The following NRCAM variants were observed in gnomAD, a reference collection of about 807,000 sequenced individuals.
NRCAM encodes the protein NgCAM-related cell adhesion molecule.
In NRCAM, 83 loss-of-function variants were observed where a neutral mutation model predicts 156.5. The ratio of observed to expected loss-of-function variants is 0.53; its 90% CI spans 0.44 to 0.64. NRCAM has a LOEUF of 0.64. Ranked by LOEUF, NRCAM falls within the 30% of genes least tolerant of loss-of-function variation. NRCAM has a pLI of 0.00. For synonymous variants in NRCAM, 538 were observed against 563.9 expected (o/e 0.95, Z 0.65); for missense variants, 1,417 against 1,597.3 (o/e 0.89, Z 1.92).
At chr7:108,329,602 T>G (rs187923954) in intron 2 of NRCAM, among the ~76,000 whole-genome samples, 155 of 152,366 alleles carry the variant, frequency 1.0e-3, no homozygotes, top group Non-Finnish European at 1.7e-3. Flanking sequence ...TTACAGTGAC[T>G]GTTACATGAA....
intron 1 of NRCAM, among the ~76,000 whole-genome samples, chr7:108,407,096 GTA>G (rs1006246943): frequency 2.0e-5 from 3 of 152,114 alleles, no homozygotes; most frequent in African/African-American, 7.2e-5. Flanking sequence ...ATGTTTTGGT[GTA>G]TGTTTTCCAA....
intron 19 of NRCAM, among the ~76,000 whole-genome samples, chr7:108,190,338 G>T (rs1338444089): frequency 6.6e-6 from 1 of 152,162 alleles, no homozygotes; most frequent in Admixed American, 6.5e-5. Flanking sequence ...CGAGATGAAG[G>T]TGTCCTAGAA....
intron 30 of NRCAM, among the ~76,000 whole-genome samples, chr7:108,161,883 G>A (rs1026890671): frequency 2.1e-5 from 3 of 146,316 alleles, no homozygotes; most frequent in Non-Finnish European, 3.0e-5. Flanking sequence ...ATAGGCCCTC[G>A]TGCCTTATTA....
At position 108,268,636 on chromosome 7, in the gene NRCAM, T is replaced by TGGGGGGGGGGGGGGGGGGGGGGGGGAG. The variant is rs1300340254; in HGVS notation, c.-106-28467_-106-28466insCTCCCCCCCCCCCCCCCCCCCCCCCCC. On this transcript the variant is annotated intron_variant, in intron 3 of 32. Transcript: ENST00000379028. ...GGCGGGGGTGGGGGTGGGGGGGGGT[T>TGGGGGGGGGGGGGGGGGGGGGGGGGAG]GGGGGGGGCGGCGGTGGCGGGAAGA... Among the ~76,000 whole-genome samples the TGGGGGGGGGGGGGGGGGGGGGGGGGAG allele has an allele frequency of 3.5e-4, 3 of 8,492 alleles. 1 individual carries two copies. Among genetic ancestry groups the TGGGGGGGGGGGGGGGGGGGGGGGGGAG allele is most frequent in the African/African-American group, 4.8e-4 (1 of 2,086 alleles). 5.6% of individuals were successfully genotyped at this position (8,492 alleles called of 152,430 possible).
At position 108,150,069 on chromosome 7, in the gene NRCAM, G is replaced by A. The variant is rs771749042; in HGVS notation, c.3756C>T (p.Asp1252=). Reference sequence around the variant, plus strand: ...CTTCTCCATAGTCAACTAGGCTGTCGTCACTATCTTCTTTTTTCACAGTCC... The same window carrying A: ...CTTCTCCATAGTCAACTAGGCTGTCATCACTATCTTCTTTTTTCACAGTCC... ...SDRTVKKEDS[D]DSLVDYGEGV... The change falls in exon 33 of 33, where the codon GAC becomes GAT. Residue 1252 remains aspartate, a synonymous_variant. Coordinates refer to ENST00000379028, the MANE Select transcript of NRCAM (RefSeq NM_001037132.4). 8 of 1,613,886 alleles carry A rather than the reference G, an allele frequency of 5.0e-6. No individual in the cohort carries two copies. Among genetic ancestry groups the A allele is most frequent in the South Asian group, 2.2e-5 (2 of 91,080 alleles).
intron 1 of NRCAM, among the ~76,000 whole-genome samples, chr7:108,455,510 C>T (rs1366207916): frequency 6.6e-6 from 1 of 152,200 alleles, no homozygotes; most frequent in East Asian, 1.9e-4. Flanking sequence ...GGAGGCAGGG[C>T]GGGGCGCAGG....
chr7:108,220,270 G>A (rs762080641), intron 11 of NRCAM, among the ~76,000 whole-genome samples: 1 of 152,054 alleles, frequency 6.6e-6, no homozygotes, highest in Non-Finnish European at 1.5e-5. Context: ...ATGACATACT[G>A]CCAAAAGCAA....
chr7:108,164,547 C>CCAGCGGGAGGGGAGGAGAGGAGAG (rs145160841), intron 30 of NRCAM, among the ~76,000 whole-genome samples: 1 of 145,736 alleles, frequency 6.9e-6, no homozygotes, highest in African/African-American at 2.7e-5. Flanking sequence ...ACCGCGGAAC[C>CCAGCGGGAGGGGAGGAGAGGAGAG]GAGAGGAGAG....
intron 2 of NRCAM, among the ~76,000 whole-genome samples, chr7:108,395,206 T>A (rs1412373007): frequency 6.6e-6 from 1 of 152,256 alleles, no homozygotes; most frequent in Non-Finnish European, 1.5e-5. Flanking sequence ...CTAGTCACCA[T>A]TCTCATTTTC....
intron 3 of NRCAM, among the ~76,000 whole-genome samples, chr7:108,283,113 G>A (rs1260945535): frequency 6.6e-6 from 1 of 152,196 alleles, no homozygotes; most frequent in East Asian, 1.9e-4. Context: ...AACAATGTAA[G>A]AATGTTGTGA....
intron 3 of NRCAM, among the ~76,000 whole-genome samples, chr7:108,310,537 A>G (rs1161057119): frequency 3.3e-5 from 5 of 152,208 alleles, no homozygotes; most frequent in Non-Finnish European, 7.4e-5. Context: ...TTCTGGCTGC[A>G]TGCATTTTTC....
intron 1 of NRCAM, among the ~76,000 whole-genome samples, chr7:108,429,596 A>G (rs910039856): frequency 6.6e-6 from 1 of 152,238 alleles, no homozygotes; most frequent in Non-Finnish European, 1.5e-5. Flanking sequence ...ATCCAAGATA[A>G]GTGTTTCAGG....
At chr7:108,204,003 C>T (rs966937702) in intron 13 of NRCAM, among the ~76,000 whole-genome samples, 1 of 152,194 alleles carries the variant, frequency 6.6e-6, no homozygotes, top group Non-Finnish European at 1.5e-5. Flanking sequence ...CTCTCTGCAT[C>T]TCCCTGTCAT....
rs1190328760 is a variant in NRCAM at position 108,148,286 on chromosome 7, C to T, written c.*1624G>A. On this transcript the variant is annotated 3_prime_UTR_variant, in exon 33 of 33. Coordinates refer to ENST00000379028, the MANE Select transcript of NRCAM (RefSeq NM_001037132.4). Reference sequence around the variant, plus strand: ...ATTCACTGCATTAATTAGCTTACCTCTTATACAGTACAACATAAACATTGC... The same window carrying T: ...ATTCACTGCATTAATTAGCTTACCTTTTATACAGTACAACATAAACATTGC... The T allele has an allele frequency of 1.3e-5, 2 of 152,620 alleles. No individual in the cohort carries two copies. The highest frequency in any genetic ancestry group is 2.9e-5 in the Non-Finnish European group (2 of 68,030). 9.5% of individuals were successfully genotyped at this position (152,620 alleles called of 1,614,324 possible).
chr7:108,232,349 T>A lies in NRCAM; in HGVS notation c.404A>T (p.Asn135Ile), dbSNP rs2094440513. 1 of 1,606,140 alleles carries A rather than the reference T, an allele frequency of 6.2e-7. No homozygotes were observed. Among genetic ancestry groups the A allele is most frequent in the East Asian group, 2.2e-5 (1 of 44,586 alleles). ...ARNERGAAVS[N>I]NIVVRPSRSP... ...ACTGGATGGGCGGACAACAATGTTA[T>A]TAGAAACTGCAGCTCCGCGTTCGTT... Residue 135 changes from asparagine to isoleucine, a missense_variant, in exon 7 of 33, where the codon AAT becomes ATT. Around this residue, in one of 2 missense-constraint regions of NRCAM, gnomAD observed 1,238 missense variants for 1,336.4 expected, o/e 0.93. Coordinates refer to ENST00000379028, the MANE Select transcript of NRCAM (RefSeq NM_001037132.4).
At chr7:108,188,104 G>C (rs540125944) in intron 20 of NRCAM, among the ~76,000 whole-genome samples, 77 of 152,188 alleles carry the variant, frequency 5.1e-4, no homozygotes, top group African/African-American at 1.7e-3. Flanking sequence ...GGAAGGAGGA[G>C]TGAGTAGAAG....
At chr7:108,341,350 T>C (rs1201362283) in intron 2 of NRCAM, among the ~76,000 whole-genome samples, 1 of 152,194 alleles carries the variant, frequency 6.6e-6, no homozygotes, top group African/African-American at 2.4e-5. Context: ...GCCTTCTCAG[T>C]CTTACTCTCC....
chr7:108,410,046 G>A (rs1793430389), intron 1 of NRCAM, among the ~76,000 whole-genome samples: 2 of 152,098 alleles, frequency 1.3e-5, no homozygotes, highest in South Asian at 4.1e-4. Context: ...AGAACCCTGA[G>A]CCATTAAAAA....
At chr7:108,443,755 G>C (rs1229936334) in intron 1 of NRCAM, among the ~76,000 whole-genome samples, 1 of 152,104 alleles carries the variant, frequency 6.6e-6, no homozygotes, top group Non-Finnish European at 1.5e-5. Flanking sequence ...TCAAACATTT[G>C]TCCAGGTAAT....
Sources: gnomAD v4.1 joint callset for allele counts (sites outside exome capture counted in the v4.1 genomes callset) on GRCh38, gnomAD v4.1.1 for gene constraint, gnomAD v4.1.1 regional missense constraint, MANE v1.5 for transcripts, NCBI Gene and HGNC (gene_info 2026-07-23, HGNC 2026-07-21) for gene names.